The following NKX2-5 variants were observed in gnomAD, a reference collection of about 807,000 sequenced individuals.
The protein encoded by NKX2-5 is homeobox protein Nkx-2.5.
Under a neutral mutation model 24.5 loss-of-function variants are expected in NKX2-5, and 3 were observed. The ratio of observed to expected loss-of-function variants is 0.12; its 90% CI spans 0.06 to 0.32. NKX2-5 has a LOEUF of 0.32. Among genes scored for constraint, NKX2-5 ranks in the 10% least tolerant of loss-of-function variants. NKX2-5 has a pLI of 1.00. For missense variants in NKX2-5, 429 were observed against 452.4 expected, an observed-to-expected ratio of 0.95 and a Z score of 0.47; for synonymous variants, 215 against 217.6, an observed-to-expected ratio of 0.99 and a Z score of 0.11.
At chr5:173,234,103 A>T (rs1381491214) in intron 1 of NKX2-5, 1 of 1,289,418 alleles carries the variant, frequency 7.8e-7, no homozygotes, top group Non-Finnish European at 1.0e-6. Context: ...CTTTTCCACG[A>T]GGGAACCTCT....
At position 173,234,988 on chromosome 5, in the gene NKX2-5, C is replaced by T. The variant is rs776310516; in HGVS notation, c.96G>A (p.Glu32=). 3.1e-6 allele frequency: 5 copies of T among 1,612,154 alleles called. No homozygotes were observed. The highest frequency in any genetic ancestry group is 4.2e-6 in the Non-Finnish European group (5 of 1,179,598). The change falls in exon 1 of 2, where the codon GAG becomes GAA. Residue 32 remains glutamate (E), a synonymous_variant. Transcript: ENST00000329198. ...QQQRSLAAAG[E]LSARLEATLA... is the part of the protein sequence containing the mutation. ...GGGTCGCCTCCAGGCGGGCAGAGAGCTCTCCGGCGGCAGCCAGGCTGCGCT... is the reference window on the plus strand; with the variant it reads ...GGGTCGCCTCCAGGCGGGCAGAGAGTTCTCCGGCGGCAGCCAGGCTGCGCT...
chr5:173,233,777 G>A, intron 1 of NKX2-5: 2 of 950,186 alleles, frequency 2.1e-6, no homozygotes, highest in African/African-American at 1.8e-5. Flanking sequence ...CTCGGAACCT[G>A]CCTTGCTGGC....
At chr5:173,233,528 AAAATAAAAAAAT>A in intron 1 of NKX2-5, 3 of 897,394 alleles carry the variant, frequency 3.3e-6, no homozygotes, top group Non-Finnish European at 5.1e-6. Flanking sequence ...AATAAATAAA[AAAATAAAAAAAT>A]AAAAATAAAA....
At chr5:173,233,525 A>AAT (rs1561620295) in intron 1 of NKX2-5, 14 of 854,542 alleles carry the variant, frequency 1.6e-5, no homozygotes, top group African/African-American at 3.7e-5. Flanking sequence ...AAAAATAAAT[A>AAT]AAAAAATAAA....
At chr5:173,234,228 T>C in intron 1 of NKX2-5, 1 of 1,224,898 alleles carries the variant, frequency 8.2e-7, no homozygotes, top group South Asian at 1.4e-5. Context: ...TCCACTTTCC[T>C]GGCGCAAAGA....
chr5:173,233,649 C>A, intron 1 of NKX2-5: 1 of 656,550 alleles, frequency 1.5e-6, no homozygotes, highest in South Asian at 2.7e-5. Context: ...GGTCTTATCT[C>A]AAAATTAAGG....
At chr5:173,234,353 G>C (rs1334293085) in intron 1 of NKX2-5, 2 of 956,994 alleles carry the variant, frequency 2.1e-6, no homozygotes, top group African/African-American at 3.5e-5. Flanking sequence ...TCTGTTTAGC[G>C]GTTCTCATCA....
chr5:173,232,426 G>C lies in NKX2-5; in HGVS notation c.*143C>G. The stretch of plus-strand genomic sequence containing the variant: ...CGTGCGCAAGAACAAACGCGCGTGG[G>C]ACAGAAAAAGTTCCTAGGTCTCCGC... On this transcript the variant is annotated 3_prime_UTR_variant, in exon 2 of 2. Transcript: ENST00000329198. The surrounding 1 kb of genome is among the most constrained non-coding windows in gnomAD (Gnocchi z 5.9). The C allele has an allele frequency of 6.9e-7, 1 of 1,446,272 alleles. No individual in the cohort carries two copies. The highest frequency in any genetic ancestry group is 9.2e-7 in the Non-Finnish European group (1 of 1,081,830). 89.6% of individuals were successfully genotyped at this position (1,446,272 alleles called of 1,614,324 possible). A position where few individuals can be genotyped will look rare whatever the true frequency, so the allele number is the denominator to read the frequency against.
Position 173,232,413 on chromosome 5 carries a change from C to G in NKX2-5, c.*156G>C. ...CCACAAACTCTCCCGTGCGCAAGAA[C>G]AAACGCGCGTGGGACAGAAAAAGTT... On this transcript the variant is annotated 3_prime_UTR_variant, in exon 2 of 2. Coordinates refer to ENST00000329198, the MANE Select transcript of NKX2-5 (RefSeq NM_004387.4). The surrounding 1 kb of genome is among the most constrained non-coding windows in gnomAD (Gnocchi z 5.9). The G allele has an allele frequency of 7.2e-7, 1 of 1,381,116 alleles. No individual in the cohort carries two copies. Among genetic ancestry groups the G allele is most frequent in the South Asian group, 1.4e-5 (1 of 73,838 alleles). 85.6% of individuals were successfully genotyped at this position (1,381,116 alleles called of 1,614,324 possible). A position where few individuals can be genotyped will look rare whatever the true frequency, so the allele number is the denominator to read the frequency against.
At chr5:173,233,536 A>G (rs1458358834) in intron 1 of NKX2-5, 3 of 945,452 alleles carry the variant, frequency 3.2e-6, no homozygotes, top group African/African-American at 3.3e-5. Context: ...AAAAAATAAA[A>G]AAATAAAAAT....
At position 173,234,767 on chromosome 5, in the gene NKX2-5, G is replaced by C. The variant is rs1188239387; in HGVS notation, c.317C>G (p.Pro106Arg). 2.6e-6 allele frequency: 4 copies of C among 1,548,890 alleles called. No homozygotes were observed. In the Admixed American group the frequency reaches 6.0e-5, roughly 23 times the overall value. ...AYSDPDPAKD[P>R]RAEKKELCAL... The stretch of plus-strand genomic sequence containing the variant: ...CTCCTCACCTTTCTTTTCGGCTCTA[G>C]GGTCCTTGGCTGGGTCGGGGTCGCT... The change falls in exon 1 of 2, where the codon CCT (proline) becomes CGT (arginine). Residue 106 changes from proline to arginine, a missense_variant. Pro to Arg is a moderately radical substitution (Grantham distance 103). Transcript: ENST00000329198.
At position 173,232,419 on chromosome 5, in the gene NKX2-5, C is replaced by T. The variant is rs1761334876; in HGVS notation, c.*150G>A. 2.1e-6 allele frequency: 3 copies of T among 1,409,066 alleles called. No homozygotes were observed. The highest frequency in any genetic ancestry group is 2.9e-6 in the Non-Finnish European group (3 of 1,051,388). 87.3% of individuals were successfully genotyped at this position (1,409,066 alleles called of 1,614,324 possible). The stretch of plus-strand genomic sequence containing the variant: ...ACTCTCCCGTGCGCAAGAACAAACG[C>T]GCGTGGGACAGAAAAAGTTCCTAGG... On this transcript the variant is annotated 3_prime_UTR_variant, in exon 2 of 2. Coordinates refer to ENST00000329198, the MANE Select transcript of NKX2-5 (RefSeq NM_004387.4). This position sits in a 1 kb window ranked among gnomAD's most constrained non-coding sequence, Gnocchi z 5.9.
intron 1 of NKX2-5, chr5:173,233,994 G>C (rs1258932712): frequency 4.0e-6 from 5 of 1,251,720 alleles, no homozygotes; most frequent in Non-Finnish European, 4.1e-6. Context: ...TTTCTGCAGC[G>C]GGGCCGGCCT....
In NKX2-5 at chr5:173,232,326, C is replaced by G. The variant is rs952798906; in HGVS notation, c.*243G>C. On this transcript the variant is annotated 3_prime_UTR_variant, in exon 2 of 2. Transcript: ENST00000329198. The surrounding 1 kb of genome is among the most constrained non-coding windows in gnomAD (Gnocchi z 5.9). ...TGCCCATGGACTCTCGGAGGGCACT[C>G]CTGGGGGGACAGCTAAGACACCAGG... The G allele has an allele frequency of 5.6e-6, 4 of 711,836 alleles. No individual in the cohort carries two copies. Among genetic ancestry groups the G allele is most frequent in the South Asian group, 3.8e-5 (2 of 53,206 alleles). The allele number at this position is 711,836 out of a possible 1,614,324, so 44.1% of individuals were successfully genotyped here.
intron 1 of NKX2-5, chr5:173,233,593 T>C (rs1302560864): frequency 2.8e-6 from 2 of 720,204 alleles, no homozygotes; most frequent in East Asian, 2.8e-5. Flanking sequence ...GCTAGTTTGG[T>C]TTGAGAAGTT....
At chr5:173,234,226 C>A in intron 1 of NKX2-5, 4 of 1,227,122 alleles carry the variant, frequency 3.3e-6, no homozygotes, top group Non-Finnish European at 4.2e-6. Context: ...ACTCCACTTT[C>A]CTGGCGCAAA....
rs1451226218 is a variant in NKX2-5, at chr5:173,233,145, G to A, written c.399C>T (p.Pro133=). ...GCGGCTTCCTCCGCCGTCGCGCCCG[G>A]GGCCGCTCCGCGTTGTCCGCCTCTG... ...EKTEADNAER[P]RARRRRKPRV... The change falls in exon 2 of 2, where the codon CCC becomes CCT. Residue 133 remains proline, a synonymous_variant. Transcript: ENST00000329198. 6.2e-7 allele frequency: 1 copy of A among 1,602,582 alleles called. No homozygotes were observed. Among genetic ancestry groups the A allele is most frequent in the East Asian group, 2.2e-5 (1 of 44,500 alleles).
intron 1 of NKX2-5, chr5:173,233,943 C>A (rs1298373628): frequency 8.4e-7 from 1 of 1,188,732 alleles, no homozygotes; most frequent in East Asian, 6.2e-5. Flanking sequence ...GGGAATCGCC[C>A]GGGCTCCTGC....
At position 173,235,057 on chromosome 5, in the gene NKX2-5, G is replaced by T; in HGVS notation, c.27C>A (p.Pro9=). Residue 9 remains proline, a synonymous_variant, in exon 1 of 2, where the codon CCC becomes CCA. Transcript: ENST00000329198. ...GGATGTCTTTGACTGAGAAGGGCGT[G>T]GGCGTGAGAGCAGGGCTGGGGAACA... is the stretch of plus-strand genomic sequence containing the variant. The part of the protein sequence containing the change: MFPSPALT[P]TPFSVKDILN... 1 of 1,611,466 alleles carries T rather than the reference G, an allele frequency of 6.2e-7. No homozygotes were observed. Among genetic ancestry groups the T allele is most frequent in the South Asian group, 1.1e-5 (1 of 90,966 alleles).
Sources: gnomAD v4.1 joint callset for allele counts on GRCh38, gnomAD v4.1.1 for gene constraint, Gnocchi (gnomAD v3.1) non-coding constraint, MANE v1.5 for transcripts, NCBI Gene and HGNC (gene_info 2026-07-23, HGNC 2026-07-21) for gene names.